The following LARGE1 variants were observed in gnomAD, a reference collection of about 807,000 sequenced individuals.
LARGE1 encodes the protein LARGE xylosyl- and glucuronyltransferase 1.
A neutral mutation model predicts 87.6 loss-of-function variants in LARGE1; 43 were observed. The ratio of observed to expected loss-of-function variants is 0.49; its 90% CI spans 0.38 to 0.63. The LOEUF (loss-of-function observed/expected upper bound fraction) is 0.63. Ranked by LOEUF, LARGE1 falls within the 30% of genes least tolerant of loss-of-function variation. The pLI, the probability that LARGE1 is intolerant of heterozygous loss-of-function variation, is 0.00. For missense variants in LARGE1, 802 were observed against 1,000.2 expected (o/e 0.80, Z 2.67); for synonymous variants, 434 against 394.6 (o/e 1.10, Z -1.18).
intron 7 of LARGE1, among the ~76,000 whole-genome samples, chr22:33,427,761 C>T (rs1473579960): frequency 6.6e-6 from 1 of 152,222 alleles, no homozygotes; most frequent in Non-Finnish European, 1.5e-5. Context: ...GGCTGCGCCA[C>T]CACAACAGAG....
At chr22:33,181,542 T>G (rs1291931101) in intron 11 of LARGE1, among the ~76,000 whole-genome samples, 1 of 151,832 alleles carries the variant, frequency 6.6e-6, no homozygotes, top group Non-Finnish European at 1.5e-5. Flanking sequence ...CTCTTTTTTT[T>G]TTTTTGAAAT....
chr22:33,746,215 C>A (rs2084079212), intron 2 of LARGE1, among the ~76,000 whole-genome samples: 1 of 152,176 alleles, frequency 6.6e-6, no homozygotes, highest in Non-Finnish European at 1.5e-5. Context: ...GCACTGCAGC[C>A]TGGGCGACAG....
At chr22:33,338,846 A>G (rs1938800534) in intron 9 of LARGE1, among the ~76,000 whole-genome samples, 1 of 152,102 alleles carries the variant, frequency 6.6e-6, no homozygotes, top group Non-Finnish European at 1.5e-5. Context: ...TAATGGAGAG[A>G]CGATCAAGAA....
At chr22:33,191,872 C>T (rs1050944707) in intron 11 of LARGE1, among the ~76,000 whole-genome samples, 2 of 152,162 alleles carry the variant, frequency 1.3e-5, no homozygotes, top group Non-Finnish European at 2.9e-5. Flanking sequence ...GTTCACTAAG[C>T]ACATTAATCA....
At chr22:33,173,280 A>T (rs1480457784) in intron 11 of LARGE1, among the ~76,000 whole-genome samples, 1 of 152,208 alleles carries the variant, frequency 6.6e-6, no homozygotes, top group Non-Finnish European at 1.5e-5. Context: ...GCAAAGGAGA[A>T]ATAAAATACA....
intron 11 of LARGE1, among the ~76,000 whole-genome samples, chr22:33,260,616 C>T (rs533523751): frequency 1.4e-3 from 216 of 152,322 alleles, no homozygotes; most frequent in Non-Finnish European, 2.6e-3. Context: ...CCTGGGACAG[C>T]GGTTTGCTGA....
At chr22:33,580,005 G>C in intron 5 of LARGE1, among the ~76,000 whole-genome samples, 1 of 152,128 alleles carries the variant, frequency 6.6e-6, no homozygotes, top group East Asian at 1.9e-4. Context: ...ATGATGGCAC[G>C]AGCACTGTCT....
chr22:33,518,382 C>T (rs7291626), intron 6 of LARGE1, among the ~76,000 whole-genome samples: 4,122 of 152,318 alleles, frequency 0.027, 78 homozygotes, highest in African/African-American at 0.047. Flanking sequence ...GCAGTGACAC[C>T]ATCTCAGCTC....
At chr22:33,362,719 G>T (rs1331916503) in intron 9 of LARGE1, among the ~76,000 whole-genome samples, 1 of 150,046 alleles carries the variant, frequency 6.7e-6, no homozygotes, top group Non-Finnish European at 1.5e-5. Context: ...TAACTACAAA[G>T]AATTGCTGTT....
At chr22:33,750,786 G>A (rs1477738511) in intron 2 of LARGE1, 1 of 152,142 alleles carries the variant, frequency 6.6e-6, no homozygotes, top group Non-Finnish European at 1.5e-5. Context: ...ATACAGATTA[G>A]GGTTTTTATG....
chr22:33,751,718 G>A (rs1360013352), intron 2 of LARGE1, among the ~76,000 whole-genome samples: 1 of 150,884 alleles, frequency 6.6e-6, no homozygotes, highest in Admixed American at 6.6e-5. Context: ...AATACTGAGA[G>A]TAATTTCATT....
chr22:33,678,942 C>G (rs1187124454), intron 2 of LARGE1, among the ~76,000 whole-genome samples: 2 of 152,150 alleles, frequency 1.3e-5, no homozygotes, highest in Non-Finnish European at 2.9e-5. Context: ...GATGCTTAAC[C>G]CTGAGTGTGT....
chr22:33,595,164 T>A (rs2078944752), intron 5 of LARGE1, among the ~76,000 whole-genome samples: 1 of 152,194 alleles, frequency 6.6e-6, no homozygotes, highest in Non-Finnish European at 1.5e-5. Context: ...CTCTTTTTTT[T>A]AATTTTTATT....
the LARGE1 span, among the ~76,000 whole-genome samples, chr22:33,114,170 C>T: frequency 6.6e-6 from 1 of 152,010 alleles, no homozygotes; most frequent in Non-Finnish European, 1.5e-5. Flanking sequence ...GCCACCGCGC[C>T]CGGCCGAAAA....
At chr22:33,278,296 G>C (rs140047409) in intron 13 of LARGE1, among the ~76,000 whole-genome samples, 9 of 152,226 alleles carry the variant, frequency 5.9e-5, no homozygotes, top group Admixed American at 5.9e-4. Flanking sequence ...CCAGTGATCT[G>C]GGAAGAGGAG....
At chr22:33,569,280 C>A (rs769688700) in intron 5 of LARGE1, among the ~76,000 whole-genome samples, 3 of 152,142 alleles carry the variant, frequency 2.0e-5, no homozygotes, top group African/African-American at 7.2e-5. Flanking sequence ...AGACTGAACA[C>A]GAGAGTGATG....
At chr22:33,184,605 A>AAAG (rs2146175614) in intron 11 of LARGE1, among the ~76,000 whole-genome samples, 1 of 152,000 alleles carries the variant, frequency 6.6e-6, no homozygotes, top group South Asian at 2.1e-4. Context: ...GAAATCAATG[A>AAAG]AAGAAAAAAA....
At chr22:33,675,001 G>A (rs1043410943) in intron 2 of LARGE1, among the ~76,000 whole-genome samples, 2 of 151,642 alleles carry the variant, frequency 1.3e-5, no homozygotes, top group African/African-American at 4.8e-5. Context: ...GCTTAAAAAT[G>A]AACACAAGAG....
chr22:33,069,265 AG>A, the LARGE1 span, among the ~76,000 whole-genome samples: 1 of 152,160 alleles, frequency 6.6e-6, no homozygotes, highest in African/African-American at 2.4e-5. Context: ...TGAAAGATTC[AG>A]GCACTCACAG....
Sources: gnomAD v4.1 joint callset for allele counts (sites outside exome capture counted in the v4.1 genomes callset) on GRCh38, gnomAD v4.1.1 for gene constraint, MANE v1.5 for transcripts, NCBI Gene and HGNC (gene_info 2026-07-23, HGNC 2026-07-21) for gene names.